PCDHA6: variants seen among roughly 807,000 people sequenced by gnomAD.
PCDHA6 encodes protocadherin alpha-6.
PCDHA6 carries 55 observed loss-of-function variants against 60.3 expected under a neutral mutation model. That is an observed-to-expected ratio of 0.91 (90% CI 0.73 to 1.14). The LOEUF is 1.14. PCDHA6 is among the 50% of genes most tolerant of loss of function. PCDHA6 has a pLI of 0.00. For missense variants in PCDHA6, 1,327 were observed against 1,256.5 expected (o/e 1.06, Z -0.85); for synonymous variants, 652 against 557.9 (o/e 1.17, Z -2.38).
chr5:140,992,558 G>A (rs567645353), intron 3 of PCDHA6, among the ~76,000 whole-genome samples: 27 of 152,256 alleles, frequency 1.8e-4, no homozygotes, highest in African/African-American at 5.8e-4. Context: ...CCAGGAGATG[G>A]GGCAACACAT....
intron 1 of PCDHA6, chr5:140,928,465 G>A: frequency 6.2e-7 from 1 of 1,614,168 alleles, no homozygotes; most frequent in Non-Finnish European, 8.5e-7. Context: ...TCATTTCCAA[G>A]TAGAAGGCCG....
intron 1 of PCDHA6, among the ~76,000 whole-genome samples, chr5:140,974,321 T>C (rs2096622495): frequency 6.6e-6 from 1 of 152,226 alleles, no homozygotes; most frequent in Non-Finnish European, 1.5e-5. Context: ...AGAGAGTAGC[T>C]GCTGTGCTAG....
chr5:140,862,934 G>C (rs1050739882), intron 1 of PCDHA6: 3 of 542,192 alleles, frequency 5.5e-6, no homozygotes, highest in African/African-American at 2.0e-5. Flanking sequence ...TGGCGGCGCT[G>C]TGAGTGAGCT....
intron 1 of PCDHA6, among the ~76,000 whole-genome samples, chr5:140,976,335 G>T (rs1554237529): frequency 6.6e-6 from 1 of 152,140 alleles, no homozygotes; most frequent in East Asian, 1.9e-4. Flanking sequence ...TGGATTGCCT[G>T]AGGTCAGGTG....
chr5:141,006,425 G>A (rs1483231288), intron 3 of PCDHA6, among the ~76,000 whole-genome samples: 2 of 152,080 alleles, frequency 1.3e-5, no homozygotes, highest in African/African-American at 4.8e-5. Context: ...GTGTTAGCCA[G>A]GATGGTCTCA....
chr5:140,835,503 G>C (rs1554135018), intron 1 of PCDHA6: 1 of 1,613,792 alleles, frequency 6.2e-7, no homozygotes, highest in East Asian at 2.2e-5. Flanking sequence ...ATTGATTAGC[G>C]TGTTTGACCG....
At chr5:140,850,291 C>T (rs782425750) in intron 1 of PCDHA6, 1 of 1,596,090 alleles carries the variant, frequency 6.3e-7, no homozygotes, top group African/African-American at 1.3e-5. Flanking sequence ...GCAGTGGACG[C>T]CGACTCGGGC....
chr5:140,853,637 C>T lies in PCDHA6; in HGVS notation c.2394+23152C>T, dbSNP rs1261449474. 3.6e-5 allele frequency: 36 copies of T among 988,398 alleles called. 4 individuals carry two copies. The highest frequency in any genetic ancestry group is 4.4e-5 in the Non-Finnish European group (36 of 820,538). 61.2% of individuals were successfully genotyped at this position (988,398 alleles called of 1,614,324 possible). On this transcript the variant is annotated intron_variant, in intron 1 of 3. Coordinates refer to ENST00000529310, the MANE Select transcript of PCDHA6 (RefSeq NM_018909.4). ...TAAATAAGTATACAAGATCACAGAC[C>T]TAAATTGAGCCTGTTCCAGACAAAT... is the stretch of plus-strand genomic sequence containing the variant.
At chr5:140,857,896 T>C in intron 1 of PCDHA6, 1 of 1,597,704 alleles carries the variant, frequency 6.3e-7, no homozygotes, top group Non-Finnish European at 8.6e-7. Flanking sequence ...CGGCGGTTGG[T>C]GCACGCATCC....
intron 1 of PCDHA6, chr5:140,855,742 T>C (rs1239874184): frequency 3.2e-6 from 1 of 313,712 alleles, no homozygotes; most frequent in Admixed American, 4.7e-5. Flanking sequence ...AGAGACGTAA[T>C]GTGAGGCTTT....
intron 1 of PCDHA6, among the ~76,000 whole-genome samples, chr5:140,838,173 GTGCAATCTCAGCTCACT>G (rs1395754886): frequency 2.7e-5 from 4 of 149,160 alleles, no homozygotes; most frequent in African/African-American, 9.9e-5. Context: ...GAGTGCAGTG[GTGCAATCTCAGCTCACT>G]GCAAAATCCG....
intron 1 of PCDHA6, chr5:140,926,327 A>AGAGCGCCGGGACCC (rs1363803647): frequency 6.6e-6 from 1 of 152,258 alleles, no homozygotes; most frequent in African/African-American, 2.4e-5. Context: ...CGCCGGGGTC[A>AGAGCGCCGGGACCC]GAGCGCCGGG....
intron 1 of PCDHA6, chr5:140,858,447 A>G (rs1554151639): frequency 6.5e-7 from 1 of 1,533,388 alleles, no homozygotes; most frequent in Admixed American, 2.0e-5. Flanking sequence ...GTGGGTTATT[A>G]CGTTTTCATT....
Position 140,829,646 on chromosome 5 carries a change from G to A in PCDHA6, c.1555G>A (p.Ala519Thr). ...SVHAESGKVYALQPLDHEELE... is the reference protein window; with the variant it reads ...SVHAESGKVYTLQPLDHEELE... ...GCACGCGGAGAGCGGCAAGGTGTAC[G>A]CGCTGCAGCCGCTGGACCACGAGGA... Residue 519 changes from alanine (A) to threonine (T), a missense_variant, in exon 1 of 4, where the codon GCG (alanine) becomes ACG (threonine). By Grantham distance (58) the Ala-to-Thr change is moderately conservative. Coordinates refer to ENST00000529310, the MANE Select transcript of PCDHA6 (RefSeq NM_018909.4). 1.2e-6 allele frequency: 2 copies of A among 1,612,376 alleles called. No homozygotes were observed. Among genetic ancestry groups the A allele is most frequent in the Non-Finnish European group, 8.5e-7 (1 of 1,179,814 alleles).
rs199940622 is a variant in PCDHA6, at chr5:140,870,517, C to T, written c.2394+40032C>T. ...GAAGGAGAACAACCCACCAGGCTGCCACATCTTCACAGTGTCGGCGCGGGA... is the reference window on the plus strand; with the variant it reads ...GAAGGAGAACAACCCACCAGGCTGCTACATCTTCACAGTGTCGGCGCGGGA... On this transcript the variant is annotated intron_variant, in intron 1 of 3. Coordinates refer to ENST00000529310, the MANE Select transcript of PCDHA6 (RefSeq NM_018909.4). The T allele has an allele frequency of 6.8e-6, 11 of 1,614,224 alleles. No homozygotes were observed. Among genetic ancestry groups the T allele is most frequent in the Non-Finnish European group, 9.3e-6 (11 of 1,180,048 alleles).
intron 3 of PCDHA6, among the ~76,000 whole-genome samples, chr5:141,000,180 T>G (rs2153962126): frequency 6.6e-6 from 1 of 151,688 alleles, no homozygotes; most frequent in South Asian, 2.1e-4. Flanking sequence ...AGCCAAGGAG[T>G]CAATGTGAGA....
intron 1 of PCDHA6, chr5:140,875,638 C>G (rs2055668574): frequency 6.2e-7 from 1 of 1,613,532 alleles, no homozygotes; most frequent in Non-Finnish European, 8.5e-7. Context: ...GGGGCTGGAG[C>G]TGGCGGAGCT....
chr5:140,884,819 A>G (rs782729760), intron 1 of PCDHA6: 398 of 1,018,150 alleles, frequency 3.9e-4, no homozygotes, highest in Admixed American at 1.1e-3. Context: ...TGTGGACATT[A>G]TGTGTTGGAT....
At chr5:140,893,050 A>G (rs967159859) in intron 1 of PCDHA6, among the ~76,000 whole-genome samples, 1 of 152,248 alleles carries the variant, frequency 6.6e-6, no homozygotes, top group Non-Finnish European at 1.5e-5. Context: ...CTCCAGGCTC[A>G]GCCATACTGC....
Sources: allele counts gnomAD v4.1 joint callset (sites outside exome capture counted in the v4.1 genomes callset), GRCh38; gene constraint gnomAD v4.1.1; transcripts MANE v1.5; gene names NCBI Gene and HGNC (gene_info 2026-07-23, HGNC 2026-07-21).